Variants in ROBO1 observed in about 807,000 individuals in gnomAD.
ROBO1 encodes the protein roundabout homolog 1.
Under a neutral mutation model 195.9 loss-of-function variants are expected in ROBO1, and 149 were observed. The ratio of observed to expected loss-of-function variants is 0.76; its 90% confidence interval spans 0.67 to 0.87. ROBO1 has a LOEUF of 0.87. Ranked by LOEUF, ROBO1 falls within the 40% of genes least tolerant of loss-of-function variation. The probability of loss-of-function intolerance (pLI) is 0.00; values close to 1 mark genes in which losing one functional copy is unlikely to be tolerated. For synonymous variants in ROBO1, 816 were observed against 733.2 expected (o/e 1.11, Z -1.82); for missense variants, 1,933 against 2,068.3 (o/e 0.93, Z 1.27).
chr3:78,641,594 C>T (rs1033195457), intron 21 of ROBO1, among the ~76,000 whole-genome samples: 6 of 152,006 alleles, frequency 3.9e-5, no homozygotes, highest in Admixed American at 3.9e-4. Context: ...TAATCTTTTG[C>T]TTTCTTATTT....
chr3:79,637,996 A>G (rs558613549), intron 1 of ROBO1, among the ~76,000 whole-genome samples: 1 of 152,320 alleles, frequency 6.6e-6, no homozygotes, highest in African/African-American at 2.4e-5. Context: ...AACAGAAATG[A>G]CAAGGAAGGA....
chr3:79,023,692 CAG>C (rs2078145451), intron 3 of ROBO1, among the ~76,000 whole-genome samples: 4 of 85,810 alleles, frequency 4.7e-5, no homozygotes, highest in Non-Finnish European at 6.9e-5. Flanking sequence ...TTTTTTGAGA[CAG>C]AGTTTTTTTT....
intron 2 of ROBO1, among the ~76,000 whole-genome samples, chr3:79,314,079 CCTT>C (rs2033618293): frequency 6.6e-6 from 1 of 152,052 alleles, no homozygotes; most frequent in Admixed American, 6.6e-5. Flanking sequence ...TAGAGATTGT[CCTT>C]CTGTGATTTC....
intron 29 of ROBO1, among the ~76,000 whole-genome samples, chr3:78,604,480 G>T (rs1202320681): frequency 1.3e-5 from 2 of 152,170 alleles, no homozygotes; most frequent in Non-Finnish European, 2.9e-5. Context: ...ATTTGGAGTC[G>T]AGTCACACTG....
intron 3 of ROBO1, among the ~76,000 whole-genome samples, chr3:79,091,433 A>G (rs1056693123): frequency 1.3e-5 from 2 of 152,192 alleles, no homozygotes; most frequent in African/African-American, 4.8e-5. Flanking sequence ...GATAAAGTAT[A>G]AAATAATTCC....
intron 1 of ROBO1, among the ~76,000 whole-genome samples, chr3:79,662,769 T>C (rs1946367423): frequency 6.6e-6 from 1 of 152,016 alleles, no homozygotes; most frequent in African/African-American, 2.4e-5. Context: ...GCAGCGAATA[T>C]GAATAAAGTT....
chr3:79,310,724 C>G (rs558566746), intron 2 of ROBO1, among the ~76,000 whole-genome samples: 2 of 152,176 alleles, frequency 1.3e-5, no homozygotes, highest in African/African-American at 4.8e-5. Context: ...CAAAATATCA[C>G]AAGTACCCCT....
At chr3:79,335,322 T>C (rs2034620597) in intron 2 of ROBO1, among the ~76,000 whole-genome samples, 1 of 152,108 alleles carries the variant, frequency 6.6e-6, no homozygotes, top group South Asian at 2.1e-4. Flanking sequence ...CTCATATTGA[T>C]AAATAAAGTA....
intron 4 of ROBO1, among the ~76,000 whole-genome samples, chr3:78,916,631 T>C (rs932789197): frequency 2.0e-5 from 3 of 152,014 alleles, no homozygotes; most frequent in African/African-American, 7.2e-5. Context: ...CTTTTATCAA[T>C]ATTTCTTACC....
At chr3:78,646,602 A>G (rs967459381) in intron 20 of ROBO1, among the ~76,000 whole-genome samples, 12 of 16,746 alleles carry the variant, frequency 7.2e-4, no homozygotes, top group Non-Finnish European at 1.1e-3. Flanking sequence ...GTAAACTTAA[A>G]CTCAGGAAAA....
chr3:78,989,577 A>G (rs2077188995), intron 3 of ROBO1, among the ~76,000 whole-genome samples: 1 of 152,174 alleles, frequency 6.6e-6, no homozygotes, highest in Non-Finnish European at 1.5e-5. Flanking sequence ...TTGCAAGACT[A>G]CACTCCAGCC....
At chr3:79,484,074 TC>T (rs1939016112) in intron 2 of ROBO1, among the ~76,000 whole-genome samples, 3 of 152,112 alleles carry the variant, frequency 2.0e-5, no homozygotes. Context: ...AGGTCACTCT[TC>T]CCTCTAAGGA....
intron 2 of ROBO1, among the ~76,000 whole-genome samples, chr3:79,440,863 A>C (rs1033176305): frequency 2.6e-5 from 4 of 152,142 alleles, no homozygotes; most frequent in Non-Finnish European, 5.9e-5. Context: ...AGTCATGCGG[A>C]GGGCTTCGGA....
intron 4 of ROBO1, among the ~76,000 whole-genome samples, chr3:78,762,505 A>G (rs1326550221): frequency 2.0e-5 from 3 of 152,016 alleles, no homozygotes; most frequent in African/African-American, 7.2e-5. Flanking sequence ...TGAACATATA[A>G]TAACCGAGGA....
At chr3:79,318,333 TCTTCCCAGTTCAC>T (rs1011340746) in intron 2 of ROBO1, among the ~76,000 whole-genome samples, 1 of 152,234 alleles carries the variant, frequency 6.6e-6, no homozygotes, top group African/African-American at 2.4e-5. Flanking sequence ...TCACATGTAA[TCTTCCCAGTTCAC>T]CACAGTAGAA....
At chr3:79,441,913 C>G (rs1251240389) in intron 2 of ROBO1, among the ~76,000 whole-genome samples, 2 of 151,966 alleles carry the variant, frequency 1.3e-5, no homozygotes, top group African/African-American at 4.8e-5. Flanking sequence ...AGCAGTAGTT[C>G]TCTAAATTAA....
At chr3:79,469,054 A>G (rs1161663652) in intron 2 of ROBO1, among the ~76,000 whole-genome samples, 1 of 152,190 alleles carries the variant, frequency 6.6e-6, no homozygotes, top group African/African-American at 2.4e-5. Context: ...ACAAGACAAA[A>G]TGGGAAGGTA....
At position 79,270,179 on chromosome 3, in the gene ROBO1, T is replaced by TTCTCTCTCTCTC. The variant is rs138141200; in HGVS notation, c.89-144652_89-144641dup. On this transcript the variant is annotated intron_variant, in intron 2 of 30. Coordinates refer to ENST00000464233, the MANE Select transcript of ROBO1 (RefSeq NM_002941.4). The stretch of plus-strand genomic sequence containing the variant: ...ATTTGGATAGTTTACATACATAATG[T>TTCTCTCTCTCTC]TCTCTCTCTCTCTCTCTCTCTCTCT... Among the ~76,000 whole-genome samples the TTCTCTCTCTCTC allele has an allele frequency of 5.6e-4, 79 of 140,778 alleles. 1 individual carries two copies. The highest frequency in any genetic ancestry group is 1.9e-3 in the African/African-American group (70 of 37,214). The allele number at this position is 140,778 out of a possible 152,430, so 92.4% of individuals were successfully genotyped here.
At chr3:78,670,567 A>G in intron 10 of ROBO1, 1 of 392,692 alleles carries the variant, frequency 2.5e-6, no homozygotes, top group Non-Finnish European at 4.7e-6. Flanking sequence ...GAGTTCGGGA[A>G]TTAGGATTGT....
Sources: allele counts gnomAD v4.1 joint callset (sites outside exome capture counted in the v4.1 genomes callset), GRCh38; gene constraint gnomAD v4.1.1; transcripts MANE v1.5; gene names NCBI Gene and HGNC (gene_info 2026-07-23, HGNC 2026-07-21).